FASN: variants seen among roughly 807,000 people sequenced by gnomAD.
FASN encodes the protein fatty acid synthase, also known as 3-hydroxyacyl-[acyl-carrier-protein] dehydratase.
A neutral mutation model predicts 250.0 loss-of-function variants in FASN; 50 were observed. That is an observed-to-expected ratio of 0.20 (90% CI 0.16 to 0.25). The LOEUF is 0.25. FASN is among the 10% of genes least tolerant of loss of function. The probability of loss-of-function intolerance (pLI) is 1.00; values close to 1 mark genes in which losing one functional copy is unlikely to be tolerated. For synonymous variants in FASN, 1,909 were observed against 1,584.0 expected (o/e 1.21, Z -4.87); for missense variants, 3,031 against 3,498.5 (o/e 0.87, Z 3.37).
rs765457818 is a variant in FASN, at chr17:82,085,750, G to A, written c.3854C>T (p.Ala1285Val). 64 of 1,564,128 alleles carry A rather than the reference G, an allele frequency of 4.1e-5. No individual in the cohort carries two copies. Among genetic ancestry groups the A allele is most frequent in the Non-Finnish European group, 3.5e-6 (4 of 1,155,096 alleles). The change falls in exon 23 of 43, where the codon GCC (alanine) becomes GTC (valine). Residue 1285 changes from alanine (A) to valine (V), a missense_variant. Ala to Val is a moderately conservative substitution (Grantham distance 64). Coordinates refer to ENST00000306749, the MANE Select transcript of FASN (RefSeq NM_004104.5). The stretch of plus-strand genomic sequence containing the variant: ...GGCAACGTCGTGCTGCTGCAGCTCG[G>A]CCTGGGCAGCCTCCAGGGCCTGGGG... ...RHPQALEAAQAELQQHDVAQG... is the reference protein window; with the variant it reads ...RHPQALEAAQVELQQHDVAQG...
rs372636563 is a variant in FASN at position 82,088,278 on chromosome 17, G to A, written c.2623C>T (p.Leu875=). ...DTSSESPDHY[L]VDHTLDGRVL... ...CGACCGTCGAGGGTGTGGTCCACCAGGTAGTGGTCAGGAGACTCGGAGCTG... is the reference window on the plus strand; with the variant it reads ...CGACCGTCGAGGGTGTGGTCCACCAAGTAGTGGTCAGGAGACTCGGAGCTG... Residue 875 remains leucine (L), a synonymous_variant, in exon 17 of 43, where the codon CTG becomes TTG. Coordinates refer to ENST00000306749, the MANE Select transcript of FASN (RefSeq NM_004104.5). 9.3e-6 allele frequency: 15 copies of A among 1,606,328 alleles called. No individual in the cohort carries two copies. Among genetic ancestry groups the A allele is most frequent in the African/African-American group, 1.3e-5 (1 of 74,932 alleles).
At chr17:82,086,228 G>A in intron 22 of FASN, 26 bp downstream of exon 22, 2 of 1,543,512 alleles carry the variant, frequency 1.3e-6, no homozygotes, top group Non-Finnish European at 1.7e-6. Flanking sequence ...CCGGGGCAGA[G>A]GCCTGGCTGC....
Position 82,080,726 on chromosome 17 carries a change from G to A in FASN, c.6792C>T (p.Leu2264=). Residue 2264 remains leucine (L), a synonymous_variant, in exon 39 of 43, where the codon CTC becomes CTT. Coordinates refer to ENST00000306749, the MANE Select transcript of FASN (RefSeq NM_004104.5). ...ACTGCAGGCCATAGGTGGGGATGCT[G>A]AGCCGGGAGGCCAGGCTGTGGAACA... ...TTVFHSLASR[L]SIPTYGLQCT... The A allele has an allele frequency of 5.0e-6, 8 of 1,601,216 alleles. No homozygotes were observed. Among genetic ancestry groups the A allele is most frequent in the Non-Finnish European group, 6.8e-6 (8 of 1,175,102 alleles).
chr17:82,093,790 AAG>A lies in FASN; in HGVS notation c.281-21_281-20del. The A allele has an allele frequency of 1.2e-6, 2 of 1,611,690 alleles. No individual in the cohort carries two copies. The highest frequency in any genetic ancestry group is 1.7e-6 in the Non-Finnish European group (2 of 1,179,730). On this transcript the variant is annotated intron_variant, in intron 3 of 42. Coordinates refer to ENST00000306749, the MANE Select transcript of FASN (RefSeq NM_004104.5). ...TTGATGCCTGCCACAAACAGTGGTCAAGGTGCCACGGCCGGGCCCCACAGCGC... is the reference window on the plus strand; with the variant it reads ...TTGATGCCTGCCACAAACAGTGGTCAGTGCCACGGCCGGGCCCCACAGCGC...
At chr17:82,095,207 G>A in intron 3 of FASN, 113 bp downstream of exon 3, 2 of 1,301,040 alleles carry the variant, frequency 1.5e-6, no homozygotes, top group Non-Finnish European at 2.2e-6. Context: ...CACAGCCGGG[G>A]AGGGTAGGTG....
In FASN at chr17:82,088,951, C is replaced by A. The variant is rs1223568458; in HGVS notation, c.2304+18G>T. On this transcript the variant is annotated intron_variant, in intron 14 of 42. Transcript: ENST00000306749. ...CATCCCAGGCTCCCGGCGCCTGCTG[C>A]CCCCAGGCTGGGCCTACCTGCAGCA... The A allele has an allele frequency of 6.2e-7, 1 of 1,607,910 alleles. No individual in the cohort carries two copies. The highest frequency in any genetic ancestry group is 8.5e-7 in the Non-Finnish European group (1 of 1,177,650).
rs889803121 is a variant in FASN, at chr17:82,087,182, T to C, written c.3295A>G (p.Thr1099Ala). 1 of 1,608,688 alleles carries C rather than the reference T, an allele frequency of 6.2e-7. No homozygotes were observed. The highest frequency in any genetic ancestry group is 8.5e-7 in the Non-Finnish European group (1 of 1,178,684). ...AGGVHISGLH[T>A]ESAPRRQQEQ... is the part of the protein sequence containing the mutation. Reference sequence around the variant, plus strand: ...TGCTGCCGCCGCGGGGCCGACTCAGTGTGGAGCCCGGAGATGTGGACGCCT... The same window carrying C: ...TGCTGCCGCCGCGGGGCCGACTCAGCGTGGAGCCCGGAGATGTGGACGCCT... The change falls in exon 21 of 43, where the codon ACT (threonine) becomes GCT (alanine). Residue 1099 changes from threonine to alanine, a missense_variant. By Grantham distance (58) the Thr-to-Ala change is moderately conservative. Coordinates refer to ENST00000306749, the MANE Select transcript of FASN (RefSeq NM_004104.5).
rs1357509089 is a variant in FASN, at chr17:82,092,794, CCT to C, written c.795_796del (p.Asp267TyrfsTer18). The stretch of plus-strand genomic sequence containing the variant: ...GCGGATGAGCTGCTCCTGGATATCC[CCT>C]GAGGGGAAGGTCACGCCTGCGGAGG... On this transcript the variant is annotated frameshift_variant, in exon 7 of 43. Transcript: ENST00000306749. LOFTEE classifies it high-confidence loss of function. 6 of 1,601,840 alleles carry C rather than the reference CCT, an allele frequency of 3.7e-6. No homozygotes were observed. Among genetic ancestry groups the C allele is most frequent in the African/African-American group, 1.3e-5 (1 of 74,648 alleles).
Position 82,085,363 on chromosome 17 carries a change from G to A in FASN, c.4162C>T (p.Leu1388=), listed in dbSNP as rs1281997349. The stretch of plus-strand genomic sequence containing the variant: ...TAGAAGGACTTCTTCAGGCCCACCA[G>A]GCGCAGCGACACCCTGGAGAAGAGG... ...ESLFSRVSLR[L]VGLKKSFYGS... is the part of the protein sequence containing the mutation. Residue 1388 remains leucine, a synonymous_variant, in exon 24 of 43, where the codon CTG becomes TTG. Coordinates refer to ENST00000306749, the MANE Select transcript of FASN (RefSeq NM_004104.5). The A allele has an allele frequency of 5.6e-6, 9 of 1,611,722 alleles. No homozygotes were observed. Among genetic ancestry groups the A allele is most frequent in the Non-Finnish European group, 7.6e-6 (9 of 1,179,606 alleles).
intron 37 of FASN, 85 bp from the exon 38 acceptor site, chr17:82,081,437 G>A: frequency 6.4e-7 from 1 of 1,565,540 alleles, no homozygotes. Context: ...AGGGGTGCGT[G>A]GGCTGTGCAT....
intron 33 of FASN, 105 bp downstream of exon 33, chr17:82,082,809 C>T: frequency 4.5e-6 from 7 of 1,546,456 alleles, no homozygotes; most frequent in Non-Finnish European, 6.2e-6. Flanking sequence ...GGGGGACAGA[C>T]CCCAGGCACC....
In FASN at chr17:82,092,778, C is replaced by A. The variant is rs150075575; in HGVS notation, c.813G>T (p.Gln271His). The change falls in exon 7 of 43, where the codon CAG (glutamine) becomes CAT (histidine). Residue 271 changes from glutamine (Q) to histidine (H), a missense_variant. Transcript: ENST00000306749. ...CCGACTGGTACAACGAGCGGATGAG[C>A]TGCTCCTGGATATCCCCTGAGGGGA... is the stretch of plus-strand genomic sequence containing the variant. ...VTFPSGDIQE[Q>H]LIRSLYQSAG... 4.4e-5 allele frequency: 71 copies of A among 1,604,760 alleles called. No homozygotes were observed. The African/African-American group carries it at 9.2e-4, about 21-fold the overall frequency.
intron 29 of FASN, 38 bp from the exon 30 acceptor site, chr17:82,083,929 G>A (rs377189072): frequency 5.0e-5 from 77 of 1,549,598 alleles, no homozygotes; most frequent in Middle Eastern, 3.4e-4. Context: ...GAGCCAGGGC[G>A]GCGGGGCCAG....
At chr17:82,080,612 C>T (rs1454800875) in intron 39 of FASN, 22 bp from the exon 40 acceptor site, 3 of 1,552,334 alleles carry the variant, frequency 1.9e-6, no homozygotes, top group South Asian at 1.2e-5. Flanking sequence ...GTGCCGGGCA[C>T]TCAGCATGTG....
In FASN at chr17:82,081,260, C is replaced by T; in HGVS notation, c.6499G>A (p.Glu2167Lys). Residue 2167 changes from glutamate (E) to lysine (K), a missense_variant, in exon 38 of 43, where the codon GAG (glutamate) becomes AAG (lysine). By Grantham distance (56) the Glu-to-Lys change is moderately conservative. Transcript: ENST00000306749. Reference protein sequence around the residue: ...LMSVEVRQTLERELNLVLSVR... With the variant: ...LMSVEVRQTLKRELNLVLSVR... The stretch of plus-strand genomic sequence containing the variant: ...GACAGCACCAGGTTGAGCTCACGCT[C>T]CAGCGTCTGGCGCACCTCCACGCTC... 1 of 1,573,832 alleles carries T rather than the reference C, an allele frequency of 6.4e-7. No individual in the cohort carries two copies. The highest frequency in any genetic ancestry group is 2.3e-5 in the East Asian group (1 of 43,204).
Position 82,088,012 on chromosome 17 carries a change from C to T in FASN, c.2808G>A (p.Arg936=), listed in dbSNP as rs1870331805. The stretch of plus-strand genomic sequence containing the variant: ...CGAAGGCACGGGAGGCCTCCAGGAG[C>T]CGTACCTCCAGGGACACTGTCCCTG... ...PKTGTVSLEV[R]LLEASRAFEV... Residue 936 remains arginine, a synonymous_variant, in exon 18 of 43, where the codon CGG becomes CGA. Transcript: ENST00000306749. 1.9e-6 allele frequency: 3 copies of T among 1,612,784 alleles called. No individual in the cohort carries two copies. In the South Asian group the frequency reaches 3.3e-5, roughly 18 times the overall value.
At position 82,080,218 on chromosome 17, in the gene FASN, G is replaced by A; in HGVS notation, c.7068C>T (p.Thr2356=). The A allele has an allele frequency of 6.2e-7, 1 of 1,613,158 alleles. No individual in the cohort carries two copies. The highest frequency in any genetic ancestry group is 8.5e-7 in the Non-Finnish European group (1 of 1,180,014). Residue 2356 remains threonine (T), a synonymous_variant, in exon 41 of 43, where the codon ACC becomes ACT. Transcript: ENST00000306749. ...TCTCAGCCTCAGCCTCACAGCCTGG[G>A]GTCAGCTTTGCCCGGTAGCTCTGAG... The part of the protein sequence containing the change: ...AYTQSYRAKL[T]PGCEAEAETE...
At chr17:82,091,741 C>G in intron 8 of FASN, 57 bp from the exon 9 acceptor site, 1 of 1,468,768 alleles carries the variant, frequency 6.8e-7, no homozygotes, top group African/African-American at 1.4e-5. Context: ...ACTGCCTGAG[C>G]TGGGGGCAGG....
chr17:82,082,345 T>A lies in FASN; in HGVS notation c.5989A>T (p.Ser1997Cys). ...FFQDVCKPKY[S>C]GTLNLDRVTR... ...CACCTGTCCAGGTTCAGGGTGCCGC[T>A]GTACTTGGGCTTGCAGACGTCCTGG... The change falls in exon 35 of 43, where the codon AGC (serine) becomes TGC (cysteine). Residue 1997 changes from serine (S) to cysteine (C), a missense_variant. By Grantham distance (112) the Ser-to-Cys change is moderately radical. Coordinates refer to ENST00000306749, the MANE Select transcript of FASN (RefSeq NM_004104.5). 6.2e-7 allele frequency: 1 copy of A among 1,612,812 alleles called. No individual in the cohort carries two copies. The highest frequency in any genetic ancestry group is 1.1e-5 in the South Asian group (1 of 91,088).
Sources: allele counts gnomAD v4.1 joint callset, GRCh38; gene constraint gnomAD v4.1.1; transcripts MANE v1.5; gene names NCBI Gene and HGNC (gene_info 2026-07-23, HGNC 2026-07-21).